Variants in SHISA9 observed in about 807,000 individuals in gnomAD.
SHISA9 encodes the protein shisa family member 9.
SHISA9 carries 13 observed loss-of-function variants against 38.0 expected under a neutral mutation model. That is an observed-to-expected ratio of 0.34 (90% CI 0.22 to 0.54). SHISA9 has a LOEUF of 0.54. Among genes scored for constraint, SHISA9 ranks in the 20% least tolerant of loss-of-function variants. The pLI is 0.91. For synonymous variants in SHISA9, 275 were observed against 242.0 expected (o/e 1.14, Z -1.27); for missense variants, 538 against 575.8 (o/e 0.93, Z 0.67).
chr16:13,251,254 G>A, the SHISA9 span, among the ~76,000 whole-genome samples: 2 of 152,150 alleles, frequency 1.3e-5, no homozygotes, highest in African/African-American at 4.8e-5. Context: ...TAATATTCCA[G>A]GGGACACTTC....
intron 2 of SHISA9, among the ~76,000 whole-genome samples, chr16:12,945,822 G>A (rs1258103668): frequency 6.6e-6 from 1 of 152,240 alleles, no homozygotes; most frequent in African/African-American, 2.4e-5. Context: ...ATGGCCAGGT[G>A]TGGTGGCTCA....
At chr16:13,009,559 A>G (rs948248315) in intron 2 of SHISA9, among the ~76,000 whole-genome samples, 34 of 152,198 alleles carry the variant, frequency 2.2e-4, no homozygotes, top group African/African-American at 8.2e-4. Flanking sequence ...CCGGAACCAG[A>G]AGCCTCCGAG....
At chr16:12,928,262 T>C (rs2071418218) in intron 2 of SHISA9, among the ~76,000 whole-genome samples, 1 of 152,022 alleles carries the variant, frequency 6.6e-6, no homozygotes, top group African/African-American at 2.4e-5. Flanking sequence ...ATTTATTGAG[T>C]ACCTACTAAA....
intron 2 of SHISA9, among the ~76,000 whole-genome samples, chr16:12,951,675 G>GA (rs950775327): frequency 5.9e-5 from 9 of 152,106 alleles, no homozygotes; most frequent in African/African-American, 2.2e-4. Flanking sequence ...TCTGGGGGAG[G>GA]AACCACCAGT....
At chr16:13,120,782 G>A (rs1358958266) in intron 2 of SHISA9, among the ~76,000 whole-genome samples, 1 of 152,124 alleles carries the variant, frequency 6.6e-6, no homozygotes, top group Non-Finnish European at 1.5e-5. Context: ...GAGGGAAGAG[G>A]ATTGACAGCT....
At chr16:13,123,411 T>C (rs1416508032) in intron 2 of SHISA9, among the ~76,000 whole-genome samples, 1 of 152,188 alleles carries the variant, frequency 6.6e-6, no homozygotes, top group Non-Finnish European at 1.5e-5. Context: ...GGCTGCTCGA[T>C]GGGAAATTGA....
the SHISA9 span, among the ~76,000 whole-genome samples, chr16:13,317,457 T>TTAG: frequency 6.6e-6 from 1 of 150,962 alleles, no homozygotes; most frequent in Non-Finnish European, 1.5e-5. Context: ...TTTTTAAATT[T>TTAG]TATTATTATT....
intron 2 of SHISA9, among the ~76,000 whole-genome samples, chr16:13,039,687 C>T (rs1567191885): frequency 2.0e-5 from 3 of 152,032 alleles, no homozygotes; most frequent in Non-Finnish European, 2.9e-5. Context: ...TTTTCCTCTC[C>T]AAATGAGGAG....
At chr16:13,182,073 A>G (rs2050783973) in intron 2 of SHISA9, among the ~76,000 whole-genome samples, 1 of 152,232 alleles carries the variant, frequency 6.6e-6, no homozygotes, top group Non-Finnish European at 1.5e-5. Context: ...ACATCTAGCA[A>G]GCTCAGAGTA....
At chr16:13,207,089 C>T (rs1012374267) in intron 3 of SHISA9, among the ~76,000 whole-genome samples, 1 of 152,072 alleles carries the variant, frequency 6.6e-6, no homozygotes, top group South Asian at 2.1e-4. Flanking sequence ...TATGGCAAAA[C>T]CCTGTCTCTA....
At chr16:13,465,608 G>C in the SHISA9 span, among the ~76,000 whole-genome samples, 1 of 152,202 alleles carries the variant, frequency 6.6e-6, no homozygotes, top group African/African-American at 2.4e-5. Context: ...GGAAGGAGAA[G>C]GGGAAGGATG....
At chr16:12,903,955 C>T (rs1178832412) in intron 1 of SHISA9, among the ~76,000 whole-genome samples, 1 of 151,318 alleles carries the variant, frequency 6.6e-6, no homozygotes, top group African/African-American at 2.4e-5. Context: ...TTTTTTTTCC[C>T]CCAGAGAGAA....
At chr16:13,255,169 A>T in the SHISA9 span, among the ~76,000 whole-genome samples, 1 of 151,748 alleles carries the variant, frequency 6.6e-6, no homozygotes, top group African/African-American at 2.4e-5. Context: ...CTATGGTTCT[A>T]CTTTGACTAT....
intron 1 of SHISA9, among the ~76,000 whole-genome samples, 193 bp from the exon 2 acceptor site, chr16:12,916,495 G>A (rs951559839): frequency 1.3e-5 from 2 of 152,156 alleles, no homozygotes; most frequent in African/African-American, 2.4e-5. Flanking sequence ...AGTAGCCTGC[G>A]TAAAGTCCCT....
chr16:12,975,999 T>C (rs962551506), intron 2 of SHISA9, among the ~76,000 whole-genome samples: 5 of 152,156 alleles, frequency 3.3e-5, no homozygotes, highest in African/African-American at 1.2e-4. Context: ...TGATTCTCAA[T>C]TAGTTTCACT....
chr16:13,183,988 ACACTCTGGGGGAGGGACAGGAAATGT>A (rs2050798656), intron 2 of SHISA9, among the ~76,000 whole-genome samples: 1 of 152,022 alleles, frequency 6.6e-6, no homozygotes, highest in Non-Finnish European at 1.5e-5. Context: ...TTTCTTATCC[ACACTCTGGGGGAGGGACAGGAAATGT>A]CACTCAGGAG....
In SHISA9 at chr16:12,927,621, C is replaced by A. The variant is rs997092491; in HGVS notation, c.691+10806C>A. ...ACAGGGTCTTGCTATGTTGCCCAGA[C>A]TGAGCTCGAGCTCCTGGACTCAAGC... On this transcript the variant is annotated intron_variant, in intron 2 of 4. Coordinates refer to ENST00000558583, the MANE Select transcript of SHISA9 (RefSeq NM_001145204.3). Among the ~76,000 whole-genome samples the A allele has an allele frequency of 2.0e-5, 3 of 151,008 alleles. No homozygotes were observed. In the East Asian group the frequency reaches 5.8e-4, roughly 29 times the overall value.
intron 2 of SHISA9, among the ~76,000 whole-genome samples, chr16:13,190,311 A>G (rs1349842572): frequency 2.1e-5 from 3 of 144,526 alleles, no homozygotes; most frequent in Admixed American, 7.4e-5. Context: ...ATTCCCACCT[A>G]TGAGTGAGAA....
the SHISA9 span, among the ~76,000 whole-genome samples, chr16:13,397,679 C>G: frequency 6.6e-6 from 1 of 152,088 alleles, no homozygotes; most frequent in Non-Finnish European, 1.5e-5. Context: ...CATGATCTGC[C>G]CACCTTGGCC....
Sources: gnomAD v4.1 joint callset for allele counts (sites outside exome capture counted in the v4.1 genomes callset) on GRCh38, gnomAD v4.1.1 for gene constraint, MANE v1.5 for transcripts, NCBI Gene and HGNC (gene_info 2026-07-23, HGNC 2026-07-21) for gene names.